C9orf85: variants seen among roughly 807,000 people sequenced by gnomAD.
C9orf85 encodes uncharacterized protein C9orf85.
In C9orf85, 16 loss-of-function variants were observed where a neutral mutation model predicts 14.9. The observed-to-expected ratio is 1.08, with a 90% confidence interval of 0.73 to 1.63. The LOEUF is 1.63. Among genes scored for constraint, C9orf85 ranks in the 40% most tolerant of loss-of-function variants. The pLI, the probability that C9orf85 is intolerant of heterozygous loss-of-function variation, is 0.00. For missense variants in C9orf85, 172 were observed against 186.1 expected (o/e 0.92, Z 0.44); for synonymous variants, 45 against 56.8 (o/e 0.79, Z 0.93).
intron 1 of C9orf85, among the ~76,000 whole-genome samples, chr9:71,932,987 C>T (rs1828105874): frequency 6.6e-6 from 1 of 152,006 alleles, no homozygotes; most frequent in Non-Finnish European, 1.5e-5. Flanking sequence ...GAAAAATTTA[C>T]TAGAGGGATT....
chr9:71,958,169 A>AT (rs781653522), intron 2 of C9orf85, among the ~76,000 whole-genome samples: 1 of 150,780 alleles, frequency 6.6e-6, no homozygotes, highest in African/African-American at 2.4e-5. Context: ...AAAGGAAAAG[A>AT]TCCCAAGTAC....
downstream of C9orf85, among the ~76,000 whole-genome samples, chr9:71,977,957 G>A (rs1383913486): frequency 1.3e-5 from 2 of 151,982 alleles, no homozygotes; most frequent in African/African-American, 2.4e-5. Context: ...ACTTTAATGT[G>A]GTTGCACCTT....
rs148397746 is a variant in C9orf85, at chr9:71,951,732, A to G, written c.209+4620A>G. 5.3e-4 allele frequency among the ~76,000 whole-genome samples: 81 copies of G among 152,244 alleles called. 1 individual carries two copies. The East Asian group carries it at 0.015, about 29-fold the overall frequency. On this transcript the variant is annotated intron_variant, in intron 2 of 3. Transcript: ENST00000334731. Reference sequence around the variant, plus strand: ...TCAAGTGCCTTGTTTTTTACTTTTGAAAAAGAACCCCAAAATAAATGAAAA... The same window carrying G: ...TCAAGTGCCTTGTTTTTTACTTTTGGAAAAGAACCCCAAAATAAATGAAAA...
chr9:71,936,411 G>T (rs1035688817), intron 1 of C9orf85, among the ~76,000 whole-genome samples: 1 of 152,114 alleles, frequency 6.6e-6, no homozygotes, highest in Non-Finnish European at 1.5e-5. Context: ...AAAACATCTT[G>T]AGAAGGAACA....
chr9:71,958,590 A>T (rs1822437646), intron 2 of C9orf85, among the ~76,000 whole-genome samples: 1 of 152,102 alleles, frequency 6.6e-6, no homozygotes, highest in Non-Finnish European at 1.5e-5. Context: ...CCCTGAAAAT[A>T]TATTTCTTTG....
chr9:71,968,498 T>C (rs1245307918), intron 2 of C9orf85, among the ~76,000 whole-genome samples: 1 of 152,166 alleles, frequency 6.6e-6, no homozygotes, highest in African/African-American at 2.4e-5. Flanking sequence ...AGTATATTTA[T>C]TTCTTCTTCA....
At chr9:71,934,544 T>C (rs1828145424) in intron 1 of C9orf85, among the ~76,000 whole-genome samples, 1 of 152,104 alleles carries the variant, frequency 6.6e-6, no homozygotes, top group Non-Finnish European at 1.5e-5. Flanking sequence ...AGAAAATGTG[T>C]ACAAATCATA....
intron 1 of C9orf85, among the ~76,000 whole-genome samples, chr9:71,929,074 C>T (rs543312353): frequency 1.9e-4 from 29 of 152,210 alleles, no homozygotes; most frequent in South Asian, 2.1e-4. Context: ...ATGACCAGAG[C>T]GAGGCACCTA....
intron 2 of C9orf85, among the ~76,000 whole-genome samples, chr9:71,949,349 C>A (rs941005822): frequency 2.0e-5 from 3 of 152,186 alleles, no homozygotes; most frequent in Non-Finnish European, 4.4e-5. Flanking sequence ...TGTTTATCTT[C>A]ATTTTAAATG....
chr9:71,963,802 C>T (rs146770654), intron 2 of C9orf85, among the ~76,000 whole-genome samples: 11 of 152,292 alleles, frequency 7.2e-5, no homozygotes, highest in African/African-American at 1.2e-4. Context: ...ACCTGCAGTC[C>T]GCCATGCCTG....
At chr9:71,918,300 T>G in intron 1 of C9orf85, 1 of 483,730 alleles carries the variant, frequency 2.1e-6, no homozygotes, top group Middle Eastern at 5.0e-4. Flanking sequence ...GTTCCTATTT[T>G]AAAAGACAAC....
chr9:71,965,568 C>T (rs1354447809), intron 2 of C9orf85, among the ~76,000 whole-genome samples: 1 of 152,110 alleles, frequency 6.6e-6, no homozygotes, highest in Non-Finnish European at 1.5e-5. Flanking sequence ...CTACTACACT[C>T]TGGTAGGTGG....
intron 2 of C9orf85, among the ~76,000 whole-genome samples, chr9:71,961,518 G>A (rs559061344): frequency 3.3e-5 from 5 of 152,152 alleles, no homozygotes; most frequent in South Asian, 4.1e-4. Context: ...CTGAGATCGC[G>A]CCACTGCACT....
At chr9:71,976,386 G>A (rs2132372105), downstream of C9orf85, among the ~76,000 whole-genome samples, 1 of 152,306 alleles carries the variant, frequency 6.6e-6, no homozygotes, top group South Asian at 2.1e-4. Context: ...TTATTGGCCG[G>A]GCACGGTGGC....
chr9:71,935,518 C>T (rs1227716875), intron 1 of C9orf85, among the ~76,000 whole-genome samples: 3 of 151,784 alleles, frequency 2.0e-5, no homozygotes, highest in East Asian at 1.9e-4. Flanking sequence ...AAAAGCCAGG[C>T]GCAGTGGCTC....
downstream of C9orf85, among the ~76,000 whole-genome samples, chr9:71,974,812 A>G (rs1334269558): frequency 6.6e-6 from 1 of 152,238 alleles, no homozygotes; most frequent in Non-Finnish European, 1.5e-5. Context: ...ACTTGGTATC[A>G]GACTTTTAAA....
At chr9:71,973,657 TA>T (rs1377481637), downstream of C9orf85, among the ~76,000 whole-genome samples, 1 of 152,084 alleles carries the variant, frequency 6.6e-6, no homozygotes, top group East Asian at 1.9e-4. Flanking sequence ...ATAATAATTA[TA>T]AAGGAAAGTT....
At chr9:71,978,690 G>C (rs1475430895) in intron 3 of C9orf85, among the ~76,000 whole-genome samples, 1 of 152,116 alleles carries the variant, frequency 6.6e-6, no homozygotes, top group Non-Finnish European at 1.5e-5. Flanking sequence ...TCTGTATCTT[G>C]ATCCAGGTGG....
downstream of C9orf85, among the ~76,000 whole-genome samples, chr9:71,978,016 A>C (rs1430848717): frequency 6.6e-6 from 1 of 152,260 alleles, no homozygotes; most frequent in Non-Finnish European, 1.5e-5. Flanking sequence ...ACTTGGTTTA[A>C]ACATTTCTAT....
Sources: allele counts gnomAD v4.1 joint callset (sites outside exome capture counted in the v4.1 genomes callset), GRCh38; gene constraint gnomAD v4.1.1; transcripts MANE v1.5; gene names NCBI Gene and HGNC (gene_info 2026-07-23, HGNC 2026-07-21).